IL1RAP: variants seen among roughly 807,000 people sequenced by gnomAD.
IL1RAP encodes the protein interleukin-1 receptor accessory protein.
IL1RAP carries 35 observed loss-of-function variants against 60.7 expected under a neutral mutation model. The observed-to-expected ratio is 0.58, with a 90% CI of 0.44 to 0.76. The LOEUF (loss-of-function observed/expected upper bound fraction) is 0.76. Ranked by LOEUF, IL1RAP falls within the 30% of genes least tolerant of loss-of-function variation. IL1RAP has a pLI of 0.00. For missense variants in IL1RAP, 572 were observed against 693.9 expected (o/e 0.82, Z 1.97); for synonymous variants, 268 against 250.9 (o/e 1.07, Z -0.64).
chr3:190,561,159 A>G (rs1725853764), intron 2 of IL1RAP, among the ~76,000 whole-genome samples: 1 of 152,180 alleles, frequency 6.6e-6, no homozygotes, highest in African/African-American at 2.4e-5. Context: ...GCTTTCTGAC[A>G]GTTCCTCCAT....
chr3:190,607,859 G>A (rs1474761041), intron 4 of IL1RAP, among the ~76,000 whole-genome samples: 2 of 152,012 alleles, frequency 1.3e-5, no homozygotes, highest in Non-Finnish European at 2.9e-5. Context: ...TTTCCTTGCC[G>A]ATATGGCTCT....
At position 190,650,634 on chromosome 3, in the gene IL1RAP, TATTG is replaced by T. The variant is rs557407410; in HGVS notation, c.*1933_*1936del. On this transcript the variant is annotated 3_prime_UTR_variant, in exon 12 of 12. Coordinates refer to ENST00000447382, the MANE Select transcript of IL1RAP (RefSeq NM_002182.4). ...ATAAATCATTTCCCTCTATAAGTGT[TATTG>T]ATTATTTTAAATTGAAAAAAGTTTC... 3.8e-5 allele frequency: 33 copies of T among 872,916 alleles called. No homozygotes were observed. In the East Asian group the frequency reaches 9.7e-4, roughly 26 times the overall value. The allele number at this position is 872,916 out of a possible 1,614,324, so 54.1% of individuals were successfully genotyped here. A position where few individuals can be genotyped will look rare whatever the true frequency, so the allele number is the denominator to read the frequency against.
chr3:190,552,992 G>T (rs1417300667), intron 1 of IL1RAP, among the ~76,000 whole-genome samples: 2 of 152,104 alleles, frequency 1.3e-5, no homozygotes, highest in Non-Finnish European at 2.9e-5. Context: ...TTTACTAAAG[G>T]CTCAGAGCAA....
At chr3:190,600,882 G>T (rs547387910) in intron 3 of IL1RAP, among the ~76,000 whole-genome samples, 1 of 152,280 alleles carries the variant, frequency 6.6e-6, no homozygotes, top group South Asian at 2.1e-4. Context: ...GTCTTTTTAG[G>T]TGTGTTAAGT....
chr3:190,650,873 C>A lies in IL1RAP; in HGVS notation c.*2168C>A. ...GGGAATAGTCTAGTCACCAAAGGAC[C>A]ATTCTCTTGCCAATGCTGCATTCCT... On this transcript the variant is annotated 3_prime_UTR_variant, in exon 12 of 12. Transcript: ENST00000447382. 2 of 985,312 alleles carry A rather than the reference C, an allele frequency of 2.0e-6. No individual in the cohort carries two copies. The highest frequency in any genetic ancestry group is 2.4e-6 in the Non-Finnish European group (2 of 829,870). The allele number at this position is 985,312 out of a possible 1,614,324, so 61.0% of individuals were successfully genotyped here.
intron 3 of IL1RAP, among the ~76,000 whole-genome samples, chr3:190,580,255 C>T (rs1272446411): frequency 2.0e-5 from 3 of 152,168 alleles, no homozygotes; most frequent in Non-Finnish European, 4.4e-5. Flanking sequence ...GAGAACATCT[C>T]CTGTGAGTAT....
chr3:190,570,209 A>G lies in IL1RAP; in HGVS notation c.64+5856A>G, dbSNP rs552473572. Reference sequence around the variant, plus strand: ...ATTTAACAAATAATTTGGGAACCTCAGTCACCTTCAAGTTACCTGCTATCC... The same window carrying G: ...ATTTAACAAATAATTTGGGAACCTCGGTCACCTTCAAGTTACCTGCTATCC... On this transcript the variant is annotated intron_variant, in intron 3 of 11. Transcript: ENST00000447382. Among the ~76,000 whole-genome samples, 123 of 152,358 alleles carry G rather than the reference A, an allele frequency of 8.1e-4. 1 individual carries two copies. Among genetic ancestry groups the G allele is most frequent in the African/African-American group, 2.9e-3 (120 of 41,586 alleles).
At chr3:190,634,288 T>G (rs1345826255) in intron 9 of IL1RAP, among the ~76,000 whole-genome samples, 1 of 144,660 alleles carries the variant, frequency 6.9e-6, no homozygotes, top group Non-Finnish European at 1.5e-5. Flanking sequence ...TGTTAAGAAT[T>G]TTTTTTTTTT....
intron 1 of IL1RAP, among the ~76,000 whole-genome samples, chr3:190,553,676 C>A (rs1353441241): frequency 1.3e-5 from 2 of 152,200 alleles, no homozygotes; most frequent in African/African-American, 4.8e-5. Flanking sequence ...CTGGGTTGGA[C>A]TGAGGCCGTC....
Position 190,620,346 on chromosome 3 carries a change from A to G in IL1RAP, c.609A>G (p.Leu203=). Reference sequence around the variant, plus strand: ...TGAACTTGAGTTTCCTCATTGCCTTAATTTCAAATAATGGAAATTACACAT... The same window carrying G: ...TGAACTTGAGTTTCCTCATTGCCTTGATTTCAAATAATGGAAATTACACAT... ...EGMNLSFLIA[L]ISNNGNYTCV... Residue 203 remains leucine, a synonymous_variant, in exon 6 of 12, where the codon TTA becomes TTG. Coordinates refer to ENST00000447382, the MANE Select transcript of IL1RAP (RefSeq NM_002182.4). 8.1e-6 allele frequency: 13 copies of G among 1,609,318 alleles called. No individual in the cohort carries two copies. The highest frequency in any genetic ancestry group is 1.1e-5 in the Non-Finnish European group (13 of 1,176,244).
At chr3:190,608,913 C>A in intron 4 of IL1RAP, 82 bp from the exon 5 acceptor site, 1 of 1,062,722 alleles carries the variant, frequency 9.4e-7, no homozygotes, top group Non-Finnish European at 1.4e-6. Context: ...TGTAGCCTGG[C>A]TTCACTTAGT....
chr3:190,529,689 A>AG (rs1466680036), intron 1 of IL1RAP, among the ~76,000 whole-genome samples: 1 of 146,352 alleles, frequency 6.8e-6, no homozygotes, highest in African/African-American at 2.6e-5. Context: ...CTCAAAAGAA[A>AG]AAAAAAAAAA....
intron 1 of IL1RAP, among the ~76,000 whole-genome samples, chr3:190,515,249 G>GC (rs1553822625): frequency 2.7e-5 from 3 of 109,794 alleles, no homozygotes; most frequent in African/African-American, 4.9e-5. Context: ...TTTTTTTCCA[G>GC]CCAAAAAATG....
intron 5 of IL1RAP, among the ~76,000 whole-genome samples, chr3:190,618,485 T>G (rs2108787835): frequency 6.6e-6 from 1 of 152,322 alleles, no homozygotes; most frequent in Middle Eastern, 3.4e-3. Context: ...CTCTCTACTG[T>G]GTTATCTAGA....
chr3:190,572,842 T>TGTATGTTTATGG (rs1727048260), intron 3 of IL1RAP, among the ~76,000 whole-genome samples: 1 of 149,052 alleles, frequency 6.7e-6, no homozygotes, highest in African/African-American at 2.5e-5. Flanking sequence ...GGTCAGCATG[T>TGTATGTTTATGG]CCAGGGTTAA....
intron 1 of IL1RAP, among the ~76,000 whole-genome samples, chr3:190,553,207 T>C (rs1040945321): frequency 2.6e-5 from 4 of 152,154 alleles, no homozygotes; most frequent in Non-Finnish European, 4.4e-5. Context: ...CAAGGAAGTA[T>C]TTTACAGACC....
In IL1RAP at chr3:190,648,361, T is replaced by A. The variant is rs764798318; in HGVS notation, c.1369T>A (p.Phe457Ile). Residue 457 changes from phenylalanine to isoleucine, a missense_variant, in exon 12 of 12, where the codon TTC becomes ATC. Coordinates refer to ENST00000447382, the MANE Select transcript of IL1RAP (RefSeq NM_002182.4). ...GGIVTDETLS[F>I]IQKSRRLLVV... ...AGTTGTCACAGATGAGACTTTGAGC[T>A]TCATTCAGAAAAGCAGACGCCTCCT... The A allele has an allele frequency of 6.3e-7, 1 of 1,595,976 alleles. No individual in the cohort carries two copies. Among genetic ancestry groups the A allele is most frequent in the East Asian group, 2.2e-5 (1 of 44,810 alleles).
intron 1 of IL1RAP, among the ~76,000 whole-genome samples, chr3:190,539,692 T>C (rs1352654756): frequency 1.3e-5 from 2 of 150,988 alleles, no homozygotes; most frequent in Admixed American, 6.6e-5. Context: ...TAAATAAGGA[T>C]AAATTAAAAA....
At chr3:190,625,665 T>C (rs1292303539) in intron 7 of IL1RAP, among the ~76,000 whole-genome samples, 1 of 152,090 alleles carries the variant, frequency 6.6e-6, no homozygotes, top group Non-Finnish European at 1.5e-5. Context: ...AAAAAGATAA[T>C]AGTGATCAAC....
Sources: gnomAD v4.1 joint callset for allele counts (sites outside exome capture counted in the v4.1 genomes callset) on GRCh38, gnomAD v4.1.1 for gene constraint, MANE v1.5 for transcripts, NCBI Gene and HGNC (gene_info 2026-07-23, HGNC 2026-07-21) for gene names.